CHURC1: variants seen among roughly 807,000 people sequenced by gnomAD.
The protein encoded by CHURC1 is protein Churchill.
Under a neutral mutation model 15.4 loss-of-function variants are expected in CHURC1, and 12 were observed. The observed-to-expected ratio is 0.78, with a 90% CI of 0.50 to 1.27. CHURC1 has a LOEUF of 1.27. Ranked by LOEUF, CHURC1 falls within the 50% of genes most tolerant of loss-of-function variation. CHURC1 has a pLI of 0.00. For missense variants in CHURC1, 132 were observed against 137.8 expected (o/e 0.96, Z 0.21); for synonymous variants, 42 against 47.5 (o/e 0.88, Z 0.48).
intron 3 of CHURC1, among the ~76,000 whole-genome samples, chr14:64,927,169 G>A (rs768158587): frequency 6.6e-6 from 1 of 152,066 alleles, no homozygotes; most frequent in Non-Finnish European, 1.5e-5. Flanking sequence ...CCTTATTTTA[G>A]CATGGAAGAA....
At chr14:64,930,634 A>G (rs1340087100) in intron 3 of CHURC1, among the ~76,000 whole-genome samples, 1 of 152,236 alleles carries the variant, frequency 6.6e-6, no homozygotes, top group Non-Finnish European at 1.5e-5. Flanking sequence ...GATTGTATAA[A>G]GTCAGACTTT....
In CHURC1 at chr14:64,931,196, G is replaced by A. The variant is rs1008358287; in HGVS notation, c.247-942G>A. Among the ~76,000 whole-genome samples, 3 of 152,196 alleles carry A rather than the reference G, an allele frequency of 2.0e-5. No individual in the cohort carries two copies. The East Asian group carries it at 5.8e-4, about 29-fold the overall frequency. The stretch of plus-strand genomic sequence containing the variant: ...AAAGGTTTCAAAGAAATATGTCTCT[G>A]TAGTTTATGACTGTTAAATATTCTA... On this transcript the variant is annotated intron_variant, in intron 3 of 3. Transcript: ENST00000549115.
At position 64,934,381 on chromosome 14, in the gene CHURC1, AAG is replaced by A. The variant is rs1885231427; in HGVS notation, c.*2153_*2154del. The stretch of plus-strand genomic sequence containing the variant: ...AAACAAAACAAAACAACAACAAAAA[AAG>A]AAGTTAAATAACTTGTTTAAGATCA... On this transcript the variant is annotated 3_prime_UTR_variant, in exon 4 of 4. Coordinates refer to ENST00000549115, the MANE Select transcript of CHURC1 (RefSeq NM_001386928.1). 2.1e-6 allele frequency: 2 copies of A among 957,816 alleles called. No homozygotes were observed. Among genetic ancestry groups the A allele is most frequent in the Non-Finnish European group, 2.5e-6 (2 of 804,954 alleles). 59.3% of individuals were successfully genotyped at this position (957,816 alleles called of 1,614,324 possible). A position where few individuals can be genotyped will look rare whatever the true frequency, so the allele number is the denominator to read the frequency against.
Position 64,933,715 on chromosome 14 carries a change from G to A in CHURC1, c.*1485G>A. On this transcript the variant is annotated 3_prime_UTR_variant, in exon 4 of 4. Transcript: ENST00000549115. The stretch of plus-strand genomic sequence containing the variant: ...AGGGTCAGGCATTAGAAACAAAAGT[G>A]TTTCTTCATATCTAGGAGATTTGGA... The A allele has an allele frequency of 2.0e-6, 2 of 985,386 alleles. No homozygotes were observed. The highest frequency in any genetic ancestry group is 2.4e-6 in the Non-Finnish European group (2 of 829,918). 61.0% of individuals were successfully genotyped at this position (985,386 alleles called of 1,614,324 possible).
At chr14:64,918,472 G>GT (rs1884047239) in intron 1 of CHURC1, among the ~76,000 whole-genome samples, 2 of 152,170 alleles carry the variant, frequency 1.3e-5, no homozygotes, top group Admixed American at 6.5e-5. Context: ...TTTAAGTGCA[G>GT]TAAGAGCAGA....
At position 64,934,117 on chromosome 14, in the gene CHURC1, C is replaced by T. The variant is rs955917638; in HGVS notation, c.*1887C>T. 18 of 874,920 alleles carry T rather than the reference C, an allele frequency of 2.1e-5. No homozygotes were observed. Among genetic ancestry groups the T allele is most frequent in the South Asian group, 1.6e-4 (3 of 18,842 alleles). 54.2% of individuals were successfully genotyped at this position (874,920 alleles called of 1,614,324 possible). On this transcript the variant is annotated 3_prime_UTR_variant, in exon 4 of 4. Transcript: ENST00000549115. ...CAGCACTTTGGGAGGCCAAAGCAGG[C>T]GGATCACCTGAGGTCAGGAGTTTGA...
intron 2 of CHURC1, 125 bp downstream of exon 2, chr14:64,924,251 G>T: frequency 8.7e-7 from 1 of 1,148,112 alleles, no homozygotes. Flanking sequence ...TACTAGTTAG[G>T]TCTTTAAGAG....
In CHURC1 at chr14:64,933,973, T is replaced by A; in HGVS notation, c.*1743T>A. The A allele has an allele frequency of 1.0e-6, 1 of 985,438 alleles. No individual in the cohort carries two copies. Among genetic ancestry groups the A allele is most frequent in the Non-Finnish European group, 1.2e-6 (1 of 829,932 alleles). 61.0% of individuals were successfully genotyped at this position (985,438 alleles called of 1,614,324 possible). On this transcript the variant is annotated 3_prime_UTR_variant, in exon 4 of 4. Coordinates refer to ENST00000549115, the MANE Select transcript of CHURC1 (RefSeq NM_001386928.1). ...GATATGGCTTGTTATTTGTAAGTTATCATGAAAAGGTTTATATTCACTATT... is the reference window on the plus strand; with the variant it reads ...GATATGGCTTGTTATTTGTAAGTTAACATGAAAAGGTTTATATTCACTATT...
At chr14:64,915,654 G>C (rs1174808001) in intron 1 of CHURC1, among the ~76,000 whole-genome samples, 3 of 152,186 alleles carry the variant, frequency 2.0e-5, no homozygotes, top group Non-Finnish European at 4.4e-5. Context: ...TGAGTAGCAT[G>C]TATAACAGTA....
intron 1 of CHURC1, among the ~76,000 whole-genome samples, chr14:64,922,933 T>C (rs1162969505): frequency 6.6e-6 from 1 of 152,196 alleles, no homozygotes; most frequent in Admixed American, 6.5e-5. Context: ...TTAAAACTCC[T>C]TGAAGGTAGC....
chr14:64,918,153 C>T (rs1366176619), intron 1 of CHURC1, among the ~76,000 whole-genome samples: 1 of 152,158 alleles, frequency 6.6e-6, no homozygotes, highest in African/African-American at 2.4e-5. Flanking sequence ...GATTGGAAAA[C>T]CAGGAGAGTG....
chr14:64,930,969 G>A lies in CHURC1; in HGVS notation c.247-1169G>A, dbSNP rs77638483. ...AACTCACCAGTAGAAGATGGAAAAG[G>A]CAGTTGCCTGCTTCTATTTCTTTGT... On this transcript the variant is annotated intron_variant, in intron 3 of 3. Coordinates refer to ENST00000549115, the MANE Select transcript of CHURC1 (RefSeq NM_001386928.1). The A allele has an allele frequency of 1.5e-3, 578 of 387,262 alleles. 5 individuals carry two copies. The East Asian group carries it at 0.021, about 14-fold the overall frequency. 24.0% of individuals were successfully genotyped at this position (387,262 alleles called of 1,614,324 possible). A position where few individuals can be genotyped will look rare whatever the true frequency, so the allele number is the denominator to read the frequency against.
At chr14:64,926,573 T>C (rs1884721234) in intron 3 of CHURC1, among the ~76,000 whole-genome samples, 1 of 152,234 alleles carries the variant, frequency 6.6e-6, no homozygotes, top group African/African-American at 2.4e-5. Context: ...AGTTGTGGGC[T>C]TTTAAGTGGT....
Position 64,933,668 on chromosome 14 carries a change from T to C in CHURC1, c.*1438T>C, listed in dbSNP as rs1041522698. The C allele has an allele frequency of 2.2e-5, 22 of 985,352 alleles. No individual in the cohort carries two copies. Among genetic ancestry groups the C allele is most frequent in the Non-Finnish European group, 2.7e-5 (22 of 829,942 alleles). 61.0% of individuals were successfully genotyped at this position (985,352 alleles called of 1,614,324 possible). ...ACAATGAGGTGGCTTCAATTAGTGC[T>C]CATTCTGAGACCTAAATTTAAAGGG... On this transcript the variant is annotated 3_prime_UTR_variant, in exon 4 of 4. Transcript: ENST00000549115.
In CHURC1 at chr14:64,924,006, G is replaced by A. The variant is rs1884502267; in HGVS notation, c.55G>A (p.Glu19Lys). ...EYPNRGNTCLENGSFLLNFTG... is the reference protein window; with the variant it reads ...EYPNRGNTCLKNGSFLLNFTG... ...GATATTTTAGGGTAATACCTGCCTG[G>A]AGAATGGATCTTTCTTACTGAACTT... is the stretch of plus-strand genomic sequence containing the variant. Residue 19 changes from glutamate (E) to lysine (K), a missense_variant, in exon 2 of 4, where the codon GAG becomes AAG. Glu to Lys is a moderately conservative substitution (Grantham distance 56). Coordinates refer to ENST00000549115, the MANE Select transcript of CHURC1 (RefSeq NM_001386928.1). 1 of 1,565,662 alleles carries A rather than the reference G, an allele frequency of 6.4e-7. No individual in the cohort carries two copies. Among genetic ancestry groups the A allele is most frequent in the Non-Finnish European group, 8.7e-7 (1 of 1,153,288 alleles).
chr14:64,914,728 G>C (rs1046929254), intron 1 of CHURC1, among the ~76,000 whole-genome samples, 194 bp downstream of exon 1: 2 of 152,246 alleles, frequency 1.3e-5, no homozygotes, highest in Non-Finnish European at 2.9e-5. Context: ...CCTGGCGGCT[G>C]ACCTCAGTTG....
chr14:64,925,238 ACTCAATAAATCATCGTTTTTACT>A (rs1352539136), intron 2 of CHURC1, among the ~76,000 whole-genome samples: 1 of 152,178 alleles, frequency 6.6e-6, no homozygotes, highest in Admixed American at 6.5e-5. Context: ...AATAGTAAGC[ACTCAATAAATCATCGTTTTTACT>A]AGATTATTTT....
intron 1 of CHURC1, among the ~76,000 whole-genome samples, chr14:64,921,183 A>G (rs1884270234): frequency 6.6e-6 from 1 of 152,226 alleles, no homozygotes; most frequent in Admixed American, 6.5e-5. Flanking sequence ...TCCTTACCTC[A>G]TATATAAAAT....
At chr14:64,923,861 A>G in intron 1 of CHURC1, 130 bp from the exon 2 acceptor site, 1 of 729,692 alleles carries the variant, frequency 1.4e-6, no homozygotes, top group Non-Finnish European at 1.8e-6. Context: ...ATTATTTGGT[A>G]TATGACCTAG....
Sources: gnomAD v4.1 joint callset for allele counts (sites outside exome capture counted in the v4.1 genomes callset) on GRCh38, gnomAD v4.1.1 for gene constraint, MANE v1.5 for transcripts, NCBI Gene and HGNC (gene_info 2026-07-23, HGNC 2026-07-21) for gene names.